Variants in PCDH7 observed in about 807,000 individuals in gnomAD.
PCDH7 encodes the protein protocadherin 7.
In PCDH7, 17 loss-of-function variants were observed where a neutral mutation model predicts 58.9. The observed-to-expected ratio is 0.29, with a 90% confidence interval of 0.20 to 0.43. The LOEUF (loss-of-function observed/expected upper bound fraction) is 0.43. Ranked by LOEUF, PCDH7 falls within the 20% of genes least tolerant of loss-of-function variation. PCDH7 has a pLI of 1.00. For missense variants in PCDH7, 1,274 were observed against 1,441.0 expected, an observed-to-expected ratio of 0.88 and a Z score of 1.88; for synonymous variants, 664 against 616.4, an observed-to-expected ratio of 1.08 and a Z score of -1.14.
chr4:31,141,643 G>T, intron 3 of PCDH7, among the ~76,000 whole-genome samples: 1 of 152,148 alleles, frequency 6.6e-6, no homozygotes, highest in Non-Finnish European at 1.5e-5. Context: ...TAGCCTTTTA[G>T]AAGTAAAAGT....
At chr4:31,001,735 C>T (rs914705128) in intron 3 of PCDH7, among the ~76,000 whole-genome samples, 2 of 152,128 alleles carry the variant, frequency 1.3e-5, no homozygotes, top group East Asian at 1.9e-4. Context: ...TATGTAGAAG[C>T]TGTTTGGAAC....
At chr4:31,137,021 A>G (rs910419929) in intron 3 of PCDH7, among the ~76,000 whole-genome samples, 1 of 152,216 alleles carries the variant, frequency 6.6e-6, no homozygotes, top group African/African-American at 2.4e-5. Flanking sequence ...TTTCATTTAG[A>G]CTAATGACAG....
chr4:30,981,977 C>T (rs1750612191), intron 3 of PCDH7, among the ~76,000 whole-genome samples: 1 of 152,026 alleles, frequency 6.6e-6, no homozygotes, highest in African/African-American at 2.4e-5. Flanking sequence ...GGAATAAGTT[C>T]AAGAGTTCTG....
At chr4:31,049,430 C>T (rs188934851) in intron 3 of PCDH7, among the ~76,000 whole-genome samples, 1 of 152,048 alleles carries the variant, frequency 6.6e-6, no homozygotes, top group Non-Finnish European at 1.5e-5. Flanking sequence ...CATGGATATG[C>T]AAGAGTGACA....
chr4:31,146,449 T>C (rs1720679790), downstream of PCDH7: 1 of 152,110 alleles, frequency 6.6e-6, no homozygotes, highest in African/African-American at 2.4e-5. Flanking sequence ...GAAGGTGTAA[T>C]GATAACATCT....
intron 1 of PCDH7, among the ~76,000 whole-genome samples, chr4:30,888,972 G>A (rs1422171753): frequency 6.6e-6 from 1 of 151,846 alleles, no homozygotes; most frequent in African/African-American, 2.4e-5. Context: ...CTTGAGTCCA[G>A]GAGTTCAAGA....
chr4:30,882,239 TTCTTCATCTTTGTCTTCA>T (rs996013107), intron 1 of PCDH7, among the ~76,000 whole-genome samples: 1 of 151,500 alleles, frequency 6.6e-6, no homozygotes, highest in Non-Finnish European at 1.5e-5. Flanking sequence ...CCTCCTCTTC[TTCTTCATCTTTGTCTTCA>T]TCTTCATCTT....
intron 3 of PCDH7, among the ~76,000 whole-genome samples, chr4:31,113,964 C>G (rs1343412546): frequency 1.3e-5 from 2 of 151,434 alleles, no homozygotes; most frequent in African/African-American, 4.9e-5. Flanking sequence ...TCCCTGGTAG[C>G]TGGGATTATA....
intron 1 of PCDH7, among the ~76,000 whole-genome samples, chr4:30,787,648 C>CAA (rs1723589772): frequency 6.6e-6 from 1 of 151,928 alleles, no homozygotes; most frequent in Admixed American, 6.6e-5. Flanking sequence ...AGAAGAGGGC[C>CAA]TTTTTAAATT....
In PCDH7 at chr4:30,722,310, C is replaced by G; in HGVS notation, c.888C>G (p.Val296=). ...GCTCCTCGCAGGCCATCCTACGGGT[C>G]CTCATCACCGACGTGAACGACAACA... The change falls in exon 1 of 2, where the codon GTC becomes GTG. Residue 296 remains valine (V), a synonymous_variant. Transcript: ENST00000361762. The surrounding 1 kb of genome is among the most constrained non-coding windows in gnomAD (Gnocchi z 7.6). The G allele has an allele frequency of 3.7e-6, 6 of 1,608,960 alleles. No homozygotes were observed. The highest frequency in any genetic ancestry group is 5.1e-6 in the Non-Finnish European group (6 of 1,178,580).
chr4:30,952,122 ATAAT>A, intron 3 of PCDH7, among the ~76,000 whole-genome samples: 1 of 152,282 alleles, frequency 6.6e-6, no homozygotes, highest in Non-Finnish European at 1.5e-5. Flanking sequence ...TCTATAAGAA[ATAAT>A]TTATTACTTT....
chr4:30,935,687 G>A (rs1293958213), intron 2 of PCDH7, among the ~76,000 whole-genome samples: 1 of 152,072 alleles, frequency 6.6e-6, no homozygotes, highest in South Asian at 2.1e-4. Flanking sequence ...ACAGACAACC[G>A]TCAAATATTC....
chr4:30,798,196 T>C (rs1222047898), intron 1 of PCDH7, among the ~76,000 whole-genome samples: 2 of 152,178 alleles, frequency 1.3e-5, no homozygotes, highest in Non-Finnish European at 2.9e-5. Context: ...GAGATTCAAC[T>C]TGAACTTGGG....
At chr4:31,077,664 A>C (rs1759122283) in intron 3 of PCDH7, among the ~76,000 whole-genome samples, 2 of 152,134 alleles carry the variant, frequency 1.3e-5, no homozygotes, top group Non-Finnish European at 2.9e-5. Context: ...ACTTGTTAAG[A>C]GCTTGCTTTG....
At chr4:31,104,306 A>C (rs1185780962) in intron 3 of PCDH7, among the ~76,000 whole-genome samples, 2 of 152,174 alleles carry the variant, frequency 1.3e-5, no homozygotes, top group East Asian at 1.9e-4. Context: ...GAGTAAATGC[A>C]TTCATCCCTA....
At chr4:31,140,105 A>G (rs578239653) in intron 3 of PCDH7, among the ~76,000 whole-genome samples, 15 of 152,328 alleles carry the variant, frequency 9.8e-5, no homozygotes, top group African/African-American at 9.6e-5. Flanking sequence ...CAGTCAATCT[A>G]TTTAATAAAT....
At chr4:30,838,855 G>T (rs1459497643) in intron 1 of PCDH7, among the ~76,000 whole-genome samples, 4 of 152,058 alleles carry the variant, frequency 2.6e-5, no homozygotes, top group Non-Finnish European at 5.9e-5. Context: ...ACGTTTCTTA[G>T]AAATCAACTC....
chr4:31,002,200 C>T (rs1177585658), intron 3 of PCDH7, among the ~76,000 whole-genome samples: 1 of 152,088 alleles, frequency 6.6e-6, no homozygotes, highest in Non-Finnish European at 1.5e-5. Context: ...TCGAGTGATC[C>T]TTATATTGAT....
At chr4:31,105,876 G>A (rs1252830775) in intron 3 of PCDH7, among the ~76,000 whole-genome samples, 5 of 151,800 alleles carry the variant, frequency 3.3e-5, no homozygotes, top group Non-Finnish European at 7.4e-5. Flanking sequence ...GCATGGTGGC[G>A]GGCGCCTGTA....
Sources: allele counts gnomAD v4.1 joint callset (sites outside exome capture counted in the v4.1 genomes callset), GRCh38; gene constraint gnomAD v4.1.1; non-coding constraint Gnocchi (gnomAD v3.1); transcripts MANE v1.5; gene names NCBI Gene and HGNC (gene_info 2026-07-23, HGNC 2026-07-21).